Variants in USP7 observed in about 807,000 individuals in gnomAD.
USP7 encodes ubiquitin specific peptidase 7, also known as ubiquitin C-terminal hydrolase 7.
Under a neutral mutation model 162.9 loss-of-function variants are expected in USP7, and 9 were observed. That is an observed-to-expected ratio of 0.06 (90% CI 0.03 to 0.10). The LOEUF (loss-of-function observed/expected upper bound fraction) is 0.10. Ranked by LOEUF, USP7 falls within the 10% of genes least tolerant of loss-of-function variation. The pLI, the probability that USP7 is intolerant of heterozygous loss-of-function variation, is 1.00. For synonymous variants in USP7, 562 were observed against 475.9 expected, an observed-to-expected ratio of 1.18 and a Z score of -2.35; for missense variants, 715 against 1,373.7, an observed-to-expected ratio of 0.52 and a Z score of 7.58.
At chr16:8,923,478 GACATGGAGTAAACTGTTCTAT>G in intron 2 of USP7, 65 bp from the exon 3 acceptor site, 2 of 1,541,322 alleles carry the variant, frequency 1.3e-6, no homozygotes, top group Middle Eastern at 1.9e-4. Context: ...AGCATTAATC[GACATGGAGTAAACTGTTCTAT>G]ACATCCTGAT....
chr16:8,896,970 G>A lies in USP7; in HGVS notation c.2819+29C>T, dbSNP rs772984697. ...CGTTAACTGCCACCCCTAACTGAAC[G>A]TCCACAATTGGGCTCAAGAAATACT... is the stretch of plus-strand genomic sequence containing the variant. On this transcript the variant is annotated intron_variant, in intron 26 of 30. Transcript: ENST00000344836. The A allele has an allele frequency of 1.2e-5, 19 of 1,565,604 alleles. No individual in the cohort carries two copies. The African/African-American group carries it at 1.5e-4, about 12-fold the overall frequency.
rs182752631 is a variant in USP7 at position 8,916,625 on chromosome 16, A to C, written c.852-69T>G. Reference sequence around the variant, plus strand: ...CAAATGAGCAAATTAAAAGTAACTTAGATTGAAAACCTAAACTGGATAATC... The same window carrying C: ...CAAATGAGCAAATTAAAAGTAACTTCGATTGAAAACCTAAACTGGATAATC... On this transcript the variant is annotated intron_variant, in intron 7 of 30. Transcript: ENST00000344836. The C allele has an allele frequency of 3.1e-4, 454 of 1,478,356 alleles. 1 individual carries two copies. The African/African-American group carries it at 5.7e-3, about 18-fold the overall frequency. The allele number at this position is 1,478,356 out of a possible 1,614,324, so 91.6% of individuals were successfully genotyped here. A position where few individuals can be genotyped will look rare whatever the true frequency, so the allele number is the denominator to read the frequency against.
chr16:8,941,527 T>C (rs166232), intron 1 of USP7, among the ~76,000 whole-genome samples: 95,008 of 152,160 alleles, frequency 0.62, 32,153 homozygotes, highest in East Asian at 0.87. Context: ...GTCCAGTAAC[T>C]TGTCCTAAGC....
intron 1 of USP7, among the ~76,000 whole-genome samples, chr16:8,961,102 G>A (rs1032629507): frequency 3.9e-5 from 6 of 152,172 alleles, no homozygotes; most frequent in Non-Finnish European, 7.3e-5. Context: ...ACTGTAATAT[G>A]AAAATAAAGC....
intron 2 of USP7, 85 bp from the exon 3 acceptor site, chr16:8,923,498 A>T: frequency 1.4e-6 from 2 of 1,401,400 alleles, no homozygotes; most frequent in Non-Finnish European, 2.0e-6. Context: ...AAACTGTTCT[A>T]TACATCCTGA....
At chr16:8,902,505 A>G in intron 16 of USP7, 23 bp from the exon 17 acceptor site, 3 of 1,605,430 alleles carry the variant, frequency 1.9e-6, no homozygotes, top group Middle Eastern at 1.7e-4. Context: ...TTAAGAGTAG[A>G]TTAAAATAAA....
At chr16:8,922,877 A>C (rs911164381) in intron 3 of USP7, among the ~76,000 whole-genome samples, 1 of 152,182 alleles carries the variant, frequency 6.6e-6, no homozygotes, top group Non-Finnish European at 1.5e-5. Context: ...CTATCACACA[A>C]TGGAAAGGAT....
chr16:8,948,431 G>C (rs887666398), intron 1 of USP7, among the ~76,000 whole-genome samples: 1 of 151,992 alleles, frequency 6.6e-6, no homozygotes, highest in African/African-American at 2.4e-5. Context: ...GCTATCCACC[G>C]GCCTCGGCCT....
intron 1 of USP7, among the ~76,000 whole-genome samples, chr16:8,941,076 C>G (rs974431989): frequency 6.6e-6 from 1 of 152,194 alleles, no homozygotes; most frequent in Non-Finnish European, 1.5e-5. Flanking sequence ...GCTGGCCAGG[C>G]CACACTGCCC....
chr16:8,904,396 T>C (rs368441224), intron 15 of USP7, 39 bp downstream of exon 15: 1 of 1,609,264 alleles, frequency 6.2e-7, no homozygotes, highest in African/African-American at 1.3e-5. Flanking sequence ...GGTGCCCGGC[T>C]GCATGGTGAC....
Position 8,926,196 on chromosome 16 carries a change from G to A in USP7, c.185-2783C>T, listed in dbSNP as rs539287000. Among the ~76,000 whole-genome samples the A allele has an allele frequency of 1.6e-4, 25 of 151,704 alleles. 1 individual carries two copies. The South Asian group carries it at 3.5e-3, about 21-fold the overall frequency. Reference sequence around the variant, plus strand: ...AAATTTCACTAAAAAACAAAAGGTCGGCCGGGCGCGGTGGTTCGCGCCTGT... The same window carrying A: ...AAATTTCACTAAAAAACAAAAGGTCAGCCGGGCGCGGTGGTTCGCGCCTGT... On this transcript the variant is annotated intron_variant, in intron 2 of 30. Transcript: ENST00000344836.
At position 8,903,414 on chromosome 16, in the gene USP7, T is replaced by C. The variant is rs780144462; in HGVS notation, c.1705-12A>G. 6.2e-7 allele frequency: 1 copy of C among 1,611,372 alleles called. No homozygotes were observed. The highest frequency in any genetic ancestry group is 8.5e-7 in the Non-Finnish European group (1 of 1,178,130). On this transcript the variant is annotated splice_polypyrimidine_tract_variant and intron_variant, in intron 15 of 30. Transcript: ENST00000344836. The stretch of plus-strand genomic sequence containing the variant: ...TCCTCTGCGACTATCTGAAAATATG[T>C]ATGAAAGCACAGAAAAGACTTGACA...
At chr16:8,921,559 T>C (rs1897690566) in intron 3 of USP7, among the ~76,000 whole-genome samples, 1 of 152,230 alleles carries the variant, frequency 6.6e-6, no homozygotes, top group South Asian at 2.1e-4. Flanking sequence ...TTTTCTTTCA[T>C]TGTATCTATA....
intron 1 of USP7, among the ~76,000 whole-genome samples, chr16:8,937,918 C>A (rs912473708): frequency 6.6e-6 from 1 of 152,190 alleles, no homozygotes; most frequent in Non-Finnish European, 1.5e-5. Context: ...AGAGAAAATA[C>A]TGACCACGTG....
At chr16:8,935,409 C>A (rs1356330394) in intron 1 of USP7, among the ~76,000 whole-genome samples, 1 of 152,064 alleles carries the variant, frequency 6.6e-6, no homozygotes, top group Non-Finnish European at 1.5e-5. Context: ...TGGGGTTTCA[C>A]CACGTTGGCC....
chr16:8,954,900 C>T (rs1899721680), intron 1 of USP7, among the ~76,000 whole-genome samples: 1 of 152,166 alleles, frequency 6.6e-6, no homozygotes, highest in Non-Finnish European at 1.5e-5. Context: ...GCAGAGGTTG[C>T]AGTGAGCCAA....
intron 1 of USP7, among the ~76,000 whole-genome samples, chr16:8,956,941 T>C (rs1036601718): frequency 6.6e-6 from 1 of 152,016 alleles, no homozygotes; most frequent in African/African-American, 2.4e-5. Context: ...CGACGCTATC[T>C]CTCAGGGTGC....
At chr16:8,948,965 G>T (rs908937343) in intron 1 of USP7, among the ~76,000 whole-genome samples, 3 of 151,138 alleles carry the variant, frequency 2.0e-5, no homozygotes, top group Non-Finnish European at 4.4e-5. Flanking sequence ...TCTCCCAAAG[G>T]GGAAAAAAAA....
chr16:8,938,084 A>C (rs1467137158), intron 1 of USP7, among the ~76,000 whole-genome samples: 6 of 152,206 alleles, frequency 3.9e-5, no homozygotes, highest in African/African-American at 9.7e-5. Flanking sequence ...CCAGGGTCAC[A>C]GCTGGACTGG....
Sources: allele counts gnomAD v4.1 joint callset (sites outside exome capture counted in the v4.1 genomes callset), GRCh38; gene constraint gnomAD v4.1.1; transcripts MANE v1.5; gene names NCBI Gene and HGNC (gene_info 2026-07-23, HGNC 2026-07-21).